Variants in LRRC7 observed in about 807,000 individuals in gnomAD.
LRRC7 encodes leucine rich repeat containing 7, also known as leucine-rich repeat-containing protein 7.
In LRRC7, 23 loss-of-function variants were observed where a neutral mutation model predicts 175.7. The observed-to-expected ratio is 0.13, with a 90% confidence interval of 0.09 to 0.19. The LOEUF (loss-of-function observed/expected upper bound fraction) is 0.19, where lower values mean the gene tolerates loss of function less well. Among genes scored for constraint, LRRC7 ranks in the 10% least tolerant of loss-of-function variants. LRRC7 has a pLI of 1.00. For synonymous variants in LRRC7, 685 were observed against 680.9 expected (o/e 1.01, Z -0.09); for missense variants, 1,354 against 1,904.7 (o/e 0.71, Z 5.38).
intron 4 of LRRC7, among the ~76,000 whole-genome samples, chr1:69,793,785 G>A (rs532801377): frequency 5.3e-5 from 8 of 151,844 alleles, no homozygotes; most frequent in East Asian, 1.9e-4. Context: ...CTAAAACAGC[G>A]TGTGTCACAT....
intron 2 of LRRC7, among the ~76,000 whole-genome samples, chr1:69,694,759 C>T (rs928067942): frequency 6.6e-6 from 1 of 151,642 alleles, no homozygotes; most frequent in Admixed American, 6.6e-5. Context: ...CTTCCTCTTC[C>T]TCCTTCTCAG....
At chr1:70,098,863 T>A (rs1257446782) in intron 25 of LRRC7, among the ~76,000 whole-genome samples, 1 of 151,960 alleles carries the variant, frequency 6.6e-6, no homozygotes, top group East Asian at 1.9e-4. Context: ...CAGGACCAGA[T>A]GGATTCACAG....
At chr1:69,684,473 C>T (rs1173154986) in intron 2 of LRRC7, among the ~76,000 whole-genome samples, 1 of 151,922 alleles carries the variant, frequency 6.6e-6, no homozygotes, top group Non-Finnish European at 1.5e-5. Flanking sequence ...GGAGGGAAGG[C>T]CAAGCTTTTG....
intron 25 of LRRC7, among the ~76,000 whole-genome samples, chr1:70,093,546 C>T (rs1335986865): frequency 6.6e-6 from 1 of 152,080 alleles, no homozygotes; most frequent in Non-Finnish European, 1.5e-5. Flanking sequence ...AGAAGAGCCA[C>T]ATGACAAATT....
In LRRC7 at chr1:70,142,093, GA is replaced by G. The variant is rs2102292158; in HGVS notation, c.*20209del. On this transcript the variant is annotated 3_prime_UTR_variant, in exon 27 of 27. Transcript: ENST00000651989. ...GGACGGTCCATAGGAAAAGCAAGAT[GA>G]AACTCTCAGGCAGACAACATAAAGC... 6.6e-6 allele frequency: 1 copy of G among 152,234 alleles called. No homozygotes were observed. The highest frequency in any genetic ancestry group is 2.1e-4 in the South Asian group (1 of 4,832). The allele number at this position is 152,234 out of a possible 1,614,324, so 9.4% of individuals were successfully genotyped here.
At chr1:69,638,214 C>T (rs938736441) in intron 1 of LRRC7, among the ~76,000 whole-genome samples, 1 of 151,770 alleles carries the variant, frequency 6.6e-6, no homozygotes, top group Non-Finnish European at 1.5e-5. Flanking sequence ...CTCTCAGTAG[C>T]GTTTAACACT....
intron 3 of LRRC7, among the ~76,000 whole-genome samples, chr1:69,787,406 G>A (rs1290476623): frequency 1.3e-5 from 2 of 152,188 alleles, no homozygotes; most frequent in Non-Finnish European, 2.9e-5. Context: ...TGGGAGCTCC[G>A]ACCCCACATT....
chr1:70,043,095 C>A (rs1431111411), intron 21 of LRRC7, among the ~76,000 whole-genome samples: 1 of 151,670 alleles, frequency 6.6e-6, no homozygotes, highest in South Asian at 2.1e-4. Flanking sequence ...ACTGTGCAAA[C>A]AATTTGATAA....
intron 23 of LRRC7, among the ~76,000 whole-genome samples, chr1:70,073,927 A>G (rs1418179049): frequency 2.0e-5 from 3 of 152,244 alleles, no homozygotes; most frequent in Admixed American, 1.3e-4. Flanking sequence ...CAGGCCAGGC[A>G]CTGTGGCTCC....
chr1:69,764,477 G>A (rs1671384160), intron 3 of LRRC7, among the ~76,000 whole-genome samples: 1 of 151,946 alleles, frequency 6.6e-6, no homozygotes, highest in Non-Finnish European at 1.5e-5. Flanking sequence ...TAAAAGAGAT[G>A]AGACTAAATT....
rs116483305 is a variant in LRRC7, at chr1:69,652,566, T to G, written c.3-25815T>G. ...TACCCAAAGCAATCTACAAATTCAA[T>G]GCAATCTCTACCAAAATCCCAATGG... On this transcript the variant is annotated intron_variant, in intron 1 of 26. Transcript: ENST00000651989. 8.0e-3 allele frequency among the ~76,000 whole-genome samples: 1,212 copies of G among 152,256 alleles called. 18 individuals carry two copies. The highest frequency in any genetic ancestry group is 0.025 in the African/African-American group (1,024 of 41,554).
chr1:69,933,757 A>G (rs948392665), intron 8 of LRRC7, among the ~76,000 whole-genome samples: 3 of 152,222 alleles, frequency 2.0e-5, no homozygotes, highest in Admixed American at 6.5e-5. Context: ...TGGGTCAACA[A>G]TGATGAAAAG....
chr1:69,739,236 G>T (rs935848626), intron 2 of LRRC7, among the ~76,000 whole-genome samples: 2 of 151,968 alleles, frequency 1.3e-5, no homozygotes, highest in Non-Finnish European at 2.9e-5. Context: ...GGGGAGATAG[G>T]TACTAGCTAG....
chr1:69,848,404 C>T (rs916161801), intron 7 of LRRC7, among the ~76,000 whole-genome samples: 5 of 152,012 alleles, frequency 3.3e-5, no homozygotes, highest in Non-Finnish European at 7.4e-5. Context: ...TTTCACCAGG[C>T]TCTCTTCTAT....
intron 7 of LRRC7, among the ~76,000 whole-genome samples, chr1:69,907,968 CT>C (rs1216251763): frequency 1.3e-5 from 2 of 152,180 alleles, no homozygotes; most frequent in African/African-American, 4.8e-5. Flanking sequence ...AGAGATTCAA[CT>C]TCTTCCTGGT....
chr1:69,817,825 T>A (rs1254187098), intron 4 of LRRC7, among the ~76,000 whole-genome samples: 1 of 152,154 alleles, frequency 6.6e-6, no homozygotes, highest in Non-Finnish European at 1.5e-5. Context: ...AAGTTTTCAG[T>A]GATACAGATT....
intron 2 of LRRC7, among the ~76,000 whole-genome samples, chr1:69,749,287 A>G (rs908637273): frequency 2.0e-5 from 3 of 152,186 alleles, no homozygotes; most frequent in Non-Finnish European, 4.4e-5. Context: ...CTCTCAAGGA[A>G]TTGCTTCTAG....
At chr1:70,098,770 G>A (rs1254967020) in intron 25 of LRRC7, among the ~76,000 whole-genome samples, 2 of 151,100 alleles carry the variant, frequency 1.3e-5, no homozygotes, top group Non-Finnish European at 3.0e-5. Flanking sequence ...GACTAAACCA[G>A]GAAGAAGTTG....
chr1:69,917,704 C>T (rs1646763072), intron 7 of LRRC7, among the ~76,000 whole-genome samples: 1 of 152,128 alleles, frequency 6.6e-6, no homozygotes, highest in Admixed American at 6.5e-5. Flanking sequence ...GGTTGACAAA[C>T]ACTACATCCC....
Sources: gnomAD v4.1 joint callset for allele counts (sites outside exome capture counted in the v4.1 genomes callset) on GRCh38, gnomAD v4.1.1 for gene constraint, MANE v1.5 for transcripts, NCBI Gene and HGNC (gene_info 2026-07-23, HGNC 2026-07-21) for gene names.